The following EYS variants were observed in gnomAD, a reference collection of about 807,000 sequenced individuals.
EYS encodes the protein EGF-like photoreceptor maintenance factor.
A neutral mutation model predicts 282.1 loss-of-function variants in EYS; 250 were observed. That is an observed-to-expected ratio of 0.89 (90% CI 0.80 to 0.98). The LOEUF (loss-of-function observed/expected upper bound fraction) is 0.98, where lower values mean the gene tolerates loss of function less well. EYS is among the 50% of genes least tolerant of loss of function. EYS has a pLI of 0.00. For missense variants in EYS, 4,016 were observed against 3,709.0 expected (o/e 1.08, Z -2.15); for synonymous variants, 1,355 against 1,282.9 (o/e 1.06, Z -1.20).
At chr6:64,642,363 G>A (rs1051110059) in intron 22 of EYS, among the ~76,000 whole-genome samples, 3 of 151,946 alleles carry the variant, frequency 2.0e-5, no homozygotes, top group African/African-American at 7.3e-5. Context: ...AAAAATTATG[G>A]TAGCTGAGAT....
At chr6:64,722,902 A>T (rs1269884059) in intron 22 of EYS, among the ~76,000 whole-genome samples, 1 of 152,138 alleles carries the variant, frequency 6.6e-6, no homozygotes, top group African/African-American at 2.4e-5. Context: ...ATGTTATGCT[A>T]GGCTTCCGTA....
rs1582335073 is a variant in EYS at position 65,467,911 on chromosome 6, C to A, written c.862+22683G>T. On this transcript the variant is annotated intron_variant, in intron 5 of 42. Transcript: ENST00000503581. Reference sequence around the variant, plus strand: ...CAAAGATAATATATTAAGAGATATACCTAAAATGTCTCCAAACTAGAAGGG... The same window carrying A: ...CAAAGATAATATATTAAGAGATATAACTAAAATGTCTCCAAACTAGAAGGG... Among the ~76,000 whole-genome samples the A allele has an allele frequency of 2.0e-5, 3 of 151,914 alleles. 1 individual carries two copies. The South Asian group carries it at 6.3e-4, about 32-fold the overall frequency.
At chr6:65,560,716 A>G (rs1458961109) in intron 2 of EYS, among the ~76,000 whole-genome samples, 1 of 152,070 alleles carries the variant, frequency 6.6e-6, no homozygotes, top group African/African-American at 2.4e-5. Context: ...AAATGGATAT[A>G]TATAATGAAT....
chr6:63,958,453 T>A (rs1202636238), intron 35 of EYS, among the ~76,000 whole-genome samples: 1 of 96,442 alleles, frequency 1.0e-5, no homozygotes, highest in South Asian at 3.2e-4. Context: ...AATGTTCATG[T>A]TGAAACTTAA....
At chr6:64,856,184 C>T (rs1766052794) in intron 19 of EYS, among the ~76,000 whole-genome samples, 1 of 152,072 alleles carries the variant, frequency 6.6e-6, no homozygotes, top group Non-Finnish European at 1.5e-5. Flanking sequence ...AAGAAAGTGC[C>T]AAACTGTCTT....
At chr6:64,361,101 G>C (rs1221704599) in intron 29 of EYS, among the ~76,000 whole-genome samples, 2 of 151,580 alleles carry the variant, frequency 1.3e-5, no homozygotes, top group South Asian at 4.2e-4. Context: ...GGAAAATTTT[G>C]CTCCAAAGAA....
intron 19 of EYS, among the ~76,000 whole-genome samples, chr6:64,860,425 C>T (rs1372450505): frequency 6.6e-6 from 1 of 152,214 alleles, no homozygotes; most frequent in Admixed American, 6.5e-5. Context: ...CAGCCAGGCA[C>T]ACTGGCTGTG....
chr6:63,852,300 C>G (rs1346779267), intron 36 of EYS, among the ~76,000 whole-genome samples: 1 of 151,186 alleles, frequency 6.6e-6, no homozygotes, highest in Non-Finnish European at 1.5e-5. Flanking sequence ...AAGGGGAGAT[C>G]ACCACTGATC....
intron 26 of EYS, among the ~76,000 whole-genome samples, chr6:64,502,227 T>TTTTTTG (rs1554168320): frequency 3.3e-4 from 50 of 149,326 alleles, no homozygotes; most frequent in African/African-American, 1.2e-3. Flanking sequence ...GCTGGTTTTT[T>TTTTTTG]TTTTGTTTTG....
At position 63,740,094 on chromosome 6, in the gene EYS, C is replaced by G. The variant is rs566611051; in HGVS notation, c.8072-13414G>C. 3.3e-5 allele frequency among the ~76,000 whole-genome samples: 5 copies of G among 152,194 alleles called. No individual in the cohort carries two copies. The South Asian group carries it at 1.0e-3, about 32-fold the overall frequency. On this transcript the variant is annotated intron_variant, in intron 41 of 42. Transcript: ENST00000503581. ...AATTCCAAAAAGATAATGTGTATAA[C>G]GAAGTGTAGTCCTAATTAGGTTGAA...
intron 36 of EYS, among the ~76,000 whole-genome samples, chr6:63,814,599 C>T (rs1038406350): frequency 3.3e-5 from 5 of 152,158 alleles, no homozygotes; most frequent in African/African-American, 4.8e-5. Flanking sequence ...ATTATAATTT[C>T]CACCAGCAAA....
intron 35 of EYS, among the ~76,000 whole-genome samples, chr6:63,902,638 A>T (rs1389250976): frequency 6.6e-6 from 1 of 152,208 alleles, no homozygotes; most frequent in African/African-American, 2.4e-5. Flanking sequence ...TATAATTTTT[A>T]TTGGAATTAC....
chr6:64,388,701 C>T lies in EYS; in HGVS notation c.6067G>A (p.Gly2023Arg). 1.3e-6 allele frequency: 2 copies of T among 1,532,406 alleles called. No individual in the cohort carries two copies. The highest frequency in any genetic ancestry group is 8.8e-7 in the Non-Finnish European group (1 of 1,138,888). 94.9% of individuals were successfully genotyped at this position (1,532,406 alleles called of 1,614,324 possible). ...VFIGGFPDLH[G>R]KIQMPVPVKN... ...ATCTATAGAAATACCTGGATTTTCC[C>T]ATGAAGGTCTGGAAATCCACCAATG... Residue 2023 changes from glycine to arginine, a missense_variant, in exon 29 of 43, where the codon GGG (glycine) becomes AGG (arginine). Coordinates refer to ENST00000503581, the MANE Select transcript of EYS (RefSeq NM_001142800.2).
intron 2 of EYS, among the ~76,000 whole-genome samples, chr6:65,532,989 C>T (rs2351260): frequency 0.16 from 23,550 of 151,468 alleles, 2,322 homozygotes; most frequent in East Asian, 0.3. Context: ...TTGCAATTGT[C>T]GATTTTATAG....
intron 29 of EYS, among the ~76,000 whole-genome samples, chr6:64,355,756 A>C (rs1771802577): frequency 6.6e-6 from 1 of 151,606 alleles, no homozygotes; most frequent in Non-Finnish European, 1.5e-5. Context: ...AAGGGATACA[A>C]AGATGAATCA....
intron 31 of EYS, among the ~76,000 whole-genome samples, chr6:64,109,517 A>G (rs535839922): frequency 9.9e-5 from 15 of 152,264 alleles, no homozygotes; most frequent in African/African-American, 3.6e-4. Context: ...TTATCAAGTT[A>G]TCTCATGCAC....
chr6:64,421,231 G>A (rs143238833), intron 28 of EYS, among the ~76,000 whole-genome samples: 59 of 152,220 alleles, frequency 3.9e-4, no homozygotes, highest in African/African-American at 6.3e-4. Context: ...GGAGAAGAAC[G>A]AGAGCAGTGC....
At chr6:64,400,862 T>TA (rs1561973930) in intron 28 of EYS, among the ~76,000 whole-genome samples, 2 of 152,122 alleles carry the variant, frequency 1.3e-5, no homozygotes, top group African/African-American at 4.8e-5. Flanking sequence ...CTTCCAAACT[T>TA]ACAGTGATTG....
intron 39 of EYS, among the ~76,000 whole-genome samples, chr6:63,779,826 C>A (rs1005020866): frequency 1.3e-5 from 2 of 151,098 alleles, no homozygotes; most frequent in Non-Finnish European, 2.9e-5. Context: ...TATACATGTG[C>A]CATGTTGGTG....
Sources: allele counts gnomAD v4.1 joint callset (sites outside exome capture counted in the v4.1 genomes callset), GRCh38; gene constraint gnomAD v4.1.1; transcripts MANE v1.5; gene names NCBI Gene and HGNC (gene_info 2026-07-23, HGNC 2026-07-21).